Variants in MYL5 observed in about 807,000 individuals in gnomAD.
The protein encoded by MYL5 is myosin regulatory light chain 5.
Under a neutral mutation model 20.8 loss-of-function variants are expected in MYL5, and 28 were observed. That is an observed-to-expected ratio of 1.35 (90% CI 1.00 to 1.84). MYL5 has a LOEUF of 1.84. Ranked by LOEUF, MYL5 falls within the 40% of genes most tolerant of loss-of-function variation. The pLI, the probability that MYL5 is intolerant of heterozygous loss-of-function variation, is 0.00. For missense variants in MYL5, 274 were observed against 227.3 expected, an observed-to-expected ratio of 1.21 and a Z score of -1.32; for synonymous variants, 118 against 87.4, an observed-to-expected ratio of 1.35 and a Z score of -1.95.
chr4:680,689 C>T, intron 5 of MYL5, 102 bp downstream of exon 7: 4 of 1,220,200 alleles, frequency 3.3e-6, no homozygotes, highest in South Asian at 2.6e-5. Flanking sequence ...ACGCCCACCT[C>T]CCCACCTCTG....
chr4:681,906 T>C, exon 7 of MYL5: 1 of 1,317,282 alleles, frequency 7.6e-7, no homozygotes, highest in Non-Finnish European at 9.8e-7. Context: ...GACCAGATGT[T>C]CCAGTTCGCC....
At chr4:680,723 C>A in intron 5 of MYL5, 136 bp downstream of exon 7, 1 of 889,912 alleles carries the variant, frequency 1.1e-6, no homozygotes, top group Non-Finnish European at 1.7e-6. Context: ...CCATGAGGAG[C>A]GAACCCAGGA....
chr4:679,963 C>CT lies in MYL5; in HGVS notation c.238dup (p.Ser80PhefsTer28). 2 of 1,613,672 alleles carry CT rather than the reference C, an allele frequency of 1.2e-6. No homozygotes were observed. The highest frequency in any genetic ancestry group is 1.7e-4 in the Middle Eastern group (1 of 6,058). On this transcript the variant is annotated frameshift_variant, in exon 4 of 7. Transcript: ENST00000400159. LOFTEE classifies it high-confidence loss of function. Reference sequence around the variant, plus strand: ...AGCTGGACGCCATGCTCAAAGAGGCCTCGGGGCCCATCAACTTCACCATGT... The same window carrying CT: ...AGCTGGACGCCATGCTCAAAGAGGCCTTCGGGGCCCATCAACTTCACCATGT...
At chr4:680,960 G>T in intron 5 of MYL5, 132 bp from the exon 8 acceptor site, 1 of 1,040,066 alleles carries the variant, frequency 9.6e-7, no homozygotes, top group East Asian at 2.6e-5. Flanking sequence ...CTGCCCCAGG[G>T]CCACACTCCA....
chr4:680,050 T>C (rs1739292677), intron 4 of MYL5, 32 bp downstream of exon 6: 1 of 1,495,606 alleles, frequency 6.7e-7, no homozygotes, highest in Non-Finnish European at 9.2e-7. Context: ...CTGGCCCTCC[T>C]AGCTAATTCC....
chr4:681,534 C>A (rs1427263257), intron 6 of MYL5, among the ~76,000 whole-genome samples: 5 of 148,444 alleles, frequency 3.4e-5, no homozygotes, highest in Admixed American at 3.3e-4. Context: ...CCCACACGGT[C>A]CTCCCCGACG....
chr4:680,611 G>C (rs377113361), intron 5 of MYL5, 24 bp downstream of exon 7: 1 of 1,608,088 alleles, frequency 6.2e-7, no homozygotes. Flanking sequence ...CGGCCAGGGC[G>C]GCCCGGCTTC....
At chr4:681,852 C>T (rs1162356816) in intron 6 of MYL5, 41 bp from the exon 9 acceptor site, 2 of 1,303,552 alleles carry the variant, frequency 1.5e-6, no homozygotes, top group Non-Finnish European at 2.0e-6. Flanking sequence ...TTGTAATTCG[C>T]TCCCGGAGCC....
chr4:678,200 G>C, intron 1 of MYL5, 171 bp downstream of exon 3: 10 of 1,520,266 alleles, frequency 6.6e-6, no homozygotes, highest in Non-Finnish European at 8.0e-6. Flanking sequence ...ATGTGCGTGT[G>C]TGTGACCTTG....
At chr4:681,642 C>G (rs1409522539) in intron 6 of MYL5, among the ~76,000 whole-genome samples, 2 of 68,018 alleles carry the variant, frequency 2.9e-5, no homozygotes, top group East Asian at 4.2e-4. Flanking sequence ...CCAGCGCCGC[C>G]CCGCCCCCTC....
chr4:680,982 G>A, intron 5 of MYL5, 110 bp from the exon 8 acceptor site: 1 of 1,205,040 alleles, frequency 8.3e-7, no homozygotes, highest in Non-Finnish European at 1.2e-6. Context: ...CGGGAAGGGC[G>A]GGAGTGCAGT....
At chr4:679,119 G>C in intron 3 of MYL5, 86 bp downstream of exon 5, 1 of 1,321,520 alleles carries the variant, frequency 7.6e-7, no homozygotes, top group Non-Finnish European at 1.1e-6. Flanking sequence ...GCCCCTCCTC[G>C]AATGGAGCCA....
intron 4 of MYL5, 103 bp downstream of exon 6, chr4:680,121 C>A: frequency 8.7e-7 from 1 of 1,150,376 alleles, no homozygotes; most frequent in Admixed American, 2.6e-5. Context: ...TCTGGAGAAG[C>A]CCTAGGGCCT....
In MYL5 at chr4:680,043, G is replaced by C. The variant is rs773888237; in HGVS notation, c.292+25G>C. 7.8e-6 allele frequency: 12 copies of C among 1,536,912 alleles called. No individual in the cohort carries two copies. The South Asian group carries it at 1.4e-4, about 18-fold the overall frequency. On this transcript the variant is annotated intron_variant, in intron 4 of 6. Coordinates refer to ENST00000400159, the Ensembl canonical transcript of MYL5. The stretch of plus-strand genomic sequence containing the variant: ...GGTGAGCACCGGTGGGGCAGGCCTG[G>C]CCCTCCTAGCTAATTCCTAACAGTT...
upstream of MYL5, among the ~76,000 whole-genome samples, chr4:677,168 G>A (rs1246145831): frequency 6.6e-6 from 1 of 152,174 alleles, no homozygotes; most frequent in Non-Finnish European, 1.5e-5. Context: ...GGCCTGGGGG[G>A]CTCCAAAAGC....
intron 1 of MYL5, chr4:678,238 A>T (rs1739054244): frequency 1.4e-5 from 21 of 1,483,612 alleles, no homozygotes; most frequent in Non-Finnish European, 1.9e-5. Flanking sequence ...GTGTTGTGGG[A>T]AGTACGTGCC....
chr4:678,170 G>A (rs1739044055), intron 1 of MYL5, 141 bp downstream of exon 3: 1 of 1,541,466 alleles, frequency 6.5e-7, no homozygotes, highest in Admixed American at 2.0e-5. Context: ...GCCTGCATAT[G>A]TGTGTGCATG....
chr4:677,932 C>T lies in MYL5; in HGVS notation c.-95C>T, dbSNP rs954648899. On this transcript the variant is annotated 5_prime_UTR_variant, in exon 1 of 7. Coordinates refer to ENST00000400159, the Ensembl canonical transcript of MYL5. ...AGCCTGTCCTTGTAGGGAGTGGCAG[C>T]CGGAGTCTGAACTGTCCTGGGGGAC... 1.4e-5 allele frequency: 22 copies of T among 1,604,298 alleles called. No individual in the cohort carries two copies. The African/African-American group carries it at 2.5e-4, about 19-fold the overall frequency.
At chr4:678,548 G>A (rs28648652) in intron 1 of MYL5, 110 bp from the exon 4 acceptor site, 32 of 1,476,132 alleles carry the variant, frequency 2.2e-5, no homozygotes, top group Admixed American at 7.7e-5. Flanking sequence ...CCTCCAGCCC[G>A]AAGGGCTGAG....
Sources: allele counts gnomAD v4.1 joint callset (sites outside exome capture counted in the v4.1 genomes callset), GRCh38; gene constraint gnomAD v4.1.1; transcripts MANE v1.5; gene names NCBI Gene and HGNC (gene_info 2026-07-23, HGNC 2026-07-21).